Variants in FAM185A observed in about 807,000 individuals in gnomAD.
The protein encoded by FAM185A is family with sequence similarity 185 member A.
In FAM185A, 21 loss-of-function variants were observed where a neutral mutation model predicts 45.7. The ratio of observed to expected loss-of-function variants is 0.46; its 90% CI spans 0.33 to 0.66. The LOEUF (loss-of-function observed/expected upper bound fraction) is 0.66. FAM185A is among the 30% of genes least tolerant of loss of function. FAM185A has a pLI of 0.03. For missense variants in FAM185A, 305 were observed against 485.4 expected (o/e 0.63, Z 3.49); for synonymous variants, 117 against 194.0 (o/e 0.60, Z 3.30).
chr7:102,774,828 T>A (rs1335066474), intron 5 of FAM185A, among the ~76,000 whole-genome samples: 1 of 152,204 alleles, frequency 6.6e-6, no homozygotes, highest in East Asian at 1.9e-4. Context: ...CTCAAATGCC[T>A]GGCTTCAAGC....
chr7:102,789,663 C>T (rs1449668660), intron 7 of FAM185A, among the ~76,000 whole-genome samples: 3 of 152,288 alleles, frequency 2.0e-5, no homozygotes, highest in African/African-American at 7.2e-5. Context: ...GAGCCAAGAT[C>T]GCGCCACTGC....
intron 3 of FAM185A, 91 bp downstream of exon 3, chr7:102,758,037 A>G: frequency 1.3e-6 from 2 of 1,504,464 alleles, no homozygotes; most frequent in Non-Finnish European, 8.9e-7. Flanking sequence ...AGTTCGTAGC[A>G]TAACATTCCC....
At chr7:102,755,078 A>G (rs1428357772) in intron 2 of FAM185A, 7 of 371,298 alleles carry the variant, frequency 1.9e-5, no homozygotes, top group Non-Finnish European at 3.3e-5. Flanking sequence ...ATAATTTTGT[A>G]AGTTCATGTG....
chr7:102,755,883 C>T (rs1238007591), intron 2 of FAM185A: 2 of 685,032 alleles, frequency 2.9e-6, no homozygotes, highest in East Asian at 2.8e-5. Flanking sequence ...GTCTGTGGCT[C>T]ACATTGCCAA....
At chr7:102,766,864 C>A (rs547587801) in intron 4 of FAM185A, among the ~76,000 whole-genome samples, 1 of 151,996 alleles carries the variant, frequency 6.6e-6, no homozygotes, top group African/African-American at 2.4e-5. Flanking sequence ...GGCTTGATCT[C>A]GGCTCACTGC....
the FAM185A span, among the ~76,000 whole-genome samples, chr7:102,834,902 G>C: frequency 6.6e-6 from 1 of 151,820 alleles, no homozygotes; most frequent in African/African-American, 2.4e-5. Context: ...GTGTGTGTGT[G>C]TGTGTGTGTG....
intron 7 of FAM185A, among the ~76,000 whole-genome samples, chr7:102,794,035 CAAAAAA>C (rs765672577): frequency 0.011 from 685 of 60,620 alleles, 3 homozygotes; most frequent in Non-Finnish European, 0.018. Context: ...GACTCTGTCT[CAAAAAA>C]AAAAAAAAAA....
At chr7:102,779,698 GT>G (rs1795285024) in intron 6 of FAM185A, 1 of 151,844 alleles carries the variant, frequency 6.6e-6, no homozygotes, top group South Asian at 2.1e-4. Context: ...TAAGTTTTTT[GT>G]TTTTGTTTTT....
chr7:102,759,706 T>C (rs1412382655), intron 3 of FAM185A, among the ~76,000 whole-genome samples: 2 of 152,072 alleles, frequency 1.3e-5, no homozygotes, highest in African/African-American at 4.8e-5. Flanking sequence ...GTGTCTCAAT[T>C]TTTTGGAAAA....
chr7:102,778,093 C>G (rs893066740), intron 6 of FAM185A, among the ~76,000 whole-genome samples: 1 of 152,216 alleles, frequency 6.6e-6, no homozygotes, highest in African/African-American at 2.4e-5. Flanking sequence ...TCTAGCAGCT[C>G]TTGCATGTTG....
intron 7 of FAM185A, among the ~76,000 whole-genome samples, chr7:102,788,222 G>A (rs1240089803): frequency 6.6e-6 from 1 of 152,134 alleles, no homozygotes; most frequent in Non-Finnish European, 1.5e-5. Context: ...GCCCACCTCA[G>A]CCTCCCAAAG....
At chr7:102,783,544 A>G (rs1795555574) in intron 6 of FAM185A, among the ~76,000 whole-genome samples, 1 of 152,224 alleles carries the variant, frequency 6.6e-6, no homozygotes, top group Non-Finnish European at 1.5e-5. Context: ...CTGCTCTTGA[A>G]TGACTACTGG....
chr7:102,836,732 T>G, the FAM185A span, among the ~76,000 whole-genome samples: 1 of 152,224 alleles, frequency 6.6e-6, no homozygotes, highest in East Asian at 1.9e-4. Flanking sequence ...TGTAGGCACT[T>G]AATGACTACA....
At chr7:102,783,087 C>T (rs1342090417) in intron 6 of FAM185A, among the ~76,000 whole-genome samples, 1 of 151,948 alleles carries the variant, frequency 6.6e-6, no homozygotes, top group Non-Finnish European at 1.5e-5. Flanking sequence ...ATCAATTCAA[C>T]AAGAAGAGAT....
At chr7:102,787,926 A>G (rs1795913802) in intron 7 of FAM185A, among the ~76,000 whole-genome samples, 1 of 152,160 alleles carries the variant, frequency 6.6e-6, no homozygotes, top group South Asian at 2.1e-4. Context: ...ATCTGGCTAC[A>G]CTGGTGGCTG....
intron 6 of FAM185A, among the ~76,000 whole-genome samples, chr7:102,782,561 G>C (rs1478763973): frequency 2.6e-5 from 4 of 152,088 alleles, no homozygotes; most frequent in African/African-American, 9.7e-5. Flanking sequence ...AGCTTCATAA[G>C]TGAAGAAGAA....
chr7:102,801,270 C>T (rs991191099), intron 7 of FAM185A, among the ~76,000 whole-genome samples: 4 of 152,052 alleles, frequency 2.6e-5, no homozygotes, highest in African/African-American at 9.7e-5. Flanking sequence ...CAAAACAGAA[C>T]CTCTTTAAGA....
At chr7:102,828,246 T>C in the FAM185A span, among the ~76,000 whole-genome samples, 1 of 152,184 alleles carries the variant, frequency 6.6e-6, no homozygotes, top group South Asian at 2.1e-4. Context: ...GTTTGTATCC[T>C]CTTTTATTTC....
intron 5 of FAM185A, 23 bp downstream of exon 5, chr7:102,772,473 G>A (rs371298435): frequency 3.5e-5 from 53 of 1,520,458 alleles, no homozygotes; most frequent in Non-Finnish European, 4.2e-5. Flanking sequence ...CTACTAGTTC[G>A]TGTATTTTGT....
Sources: gnomAD v4.1 joint callset for allele counts (sites outside exome capture counted in the v4.1 genomes callset) on GRCh38, gnomAD v4.1.1 for gene constraint, MANE v1.5 for transcripts, NCBI Gene and HGNC (gene_info 2026-07-23, HGNC 2026-07-21) for gene names.